Variants in BBS9 observed in about 807,000 individuals in gnomAD.
The protein encoded by BBS9 is Bardet-Biedl syndrome 9.
A neutral mutation model predicts 117.7 loss-of-function variants in BBS9; 89 were observed. That is an observed-to-expected ratio of 0.76 (90% CI 0.64 to 0.90). BBS9 has a LOEUF of 0.90. Ranked by LOEUF, BBS9 falls within the 40% of genes least tolerant of loss-of-function variation. The pLI is 0.00. For missense variants in BBS9, 982 were observed against 1,042.2 expected (o/e 0.94, Z 0.80); for synonymous variants, 379 against 370.9 (o/e 1.02, Z -0.25).
At chr7:33,635,469 C>A (rs528629574) in exon 22 of BBS9, among the ~76,000 whole-genome samples, 2 of 152,216 alleles carry the variant, frequency 1.3e-5, no homozygotes, top group Admixed American at 6.5e-5. Flanking sequence ...AACCAGCCCC[C>A]CAAGGCCCTG....
chr7:33,484,242 A>G (rs1842821637), intron 19 of BBS9, among the ~76,000 whole-genome samples: 1 of 152,226 alleles, frequency 6.6e-6, no homozygotes, highest in Non-Finnish European at 1.5e-5. Flanking sequence ...ATCTACAAAA[A>G]AGGTTACATC....
At chr7:33,410,818 A>G (rs932937310) in intron 19 of BBS9, among the ~76,000 whole-genome samples, 2 of 152,142 alleles carry the variant, frequency 1.3e-5, no homozygotes, top group African/African-American at 4.8e-5. Flanking sequence ...TTATCCCAAC[A>G]TAGACCTGCC....
At chr7:33,216,250 C>T (rs183651788) in intron 5 of BBS9, among the ~76,000 whole-genome samples, 5 of 152,294 alleles carry the variant, frequency 3.3e-5, no homozygotes, top group Admixed American at 1.3e-4. Flanking sequence ...GGCTAACTCC[C>T]TTCTAAACAC....
At chr7:33,250,716 G>A (rs978421619) in intron 5 of BBS9, among the ~76,000 whole-genome samples, 6 of 152,174 alleles carry the variant, frequency 3.9e-5, no homozygotes, top group African/African-American at 1.4e-4. Context: ...TGTATGCAGA[G>A]TGAAACACAT....
At chr7:33,291,547 A>T (rs1303305709) in intron 9 of BBS9, among the ~76,000 whole-genome samples, 1 of 152,168 alleles carries the variant, frequency 6.6e-6, no homozygotes, top group East Asian at 1.9e-4. Context: ...CAGGAAATCC[A>T]ATTGTGAGTA....
chr7:33,389,856 C>A (rs137912584), intron 19 of BBS9, among the ~76,000 whole-genome samples: 1,549 of 152,174 alleles, frequency 0.01, 10 homozygotes, highest in Middle Eastern at 0.054. Context: ...AATTCCCTTA[C>A]CCTCCCAGAA....
chr7:33,435,527 C>CTCTGTTGAAAGGAACTAAA (rs371316565), intron 19 of BBS9, among the ~76,000 whole-genome samples: 23 of 151,922 alleles, frequency 1.5e-4, no homozygotes, highest in South Asian at 6.2e-4. Context: ...AGACCAAGGA[C>CTCTGTTGAAAGGAACTAAA]TCTATTAAGT....
intron 21 of BBS9, among the ~76,000 whole-genome samples, chr7:33,553,524 C>G (rs1854796092): frequency 6.6e-6 from 1 of 152,174 alleles, no homozygotes; most frequent in Admixed American, 6.5e-5. Context: ...TGCCCTCTGA[C>G]TCTTCATGTT....
At chr7:33,588,586 A>G (rs546884140) in intron 21 of BBS9, among the ~76,000 whole-genome samples, 2 of 152,302 alleles carry the variant, frequency 1.3e-5, no homozygotes, top group South Asian at 2.1e-4. Flanking sequence ...ATAAGCAATA[A>G]GCATGATAAA....
rs187069825 is a variant in BBS9 at position 33,477,249 on chromosome 7, C to T, written c.2116-28214C>T. ...GTACCCAATAAATATTAGCCATCAT[C>T]GTCATCATTGTTGTTACCCTTATAT... On this transcript the variant is annotated intron_variant, in intron 19 of 22. Coordinates refer to ENST00000242067, the MANE Select transcript of BBS9 (RefSeq NM_198428.3). Among the ~76,000 whole-genome samples, 6 of 152,306 alleles carry T rather than the reference C, an allele frequency of 3.9e-5. No individual in the cohort carries two copies. In the South Asian group the frequency reaches 8.3e-4, roughly 21 times the overall value.
At chr7:33,413,864 A>G (rs1450956508) in intron 19 of BBS9, among the ~76,000 whole-genome samples, 3 of 152,108 alleles carry the variant, frequency 2.0e-5, no homozygotes, top group African/African-American at 7.2e-5. Context: ...TCTACTAAAA[A>G]TACAAAAAAA....
At chr7:33,505,994 C>T (rs747401534) in intron 20 of BBS9, among the ~76,000 whole-genome samples, 22 of 152,148 alleles carry the variant, frequency 1.4e-4, no homozygotes, top group Non-Finnish European at 2.2e-4. Context: ...GAAAACACTT[C>T]GGCCATTTTA....
intron 14 of BBS9, chr7:33,352,191 TG>T (rs1818795341): frequency 6.5e-6 from 1 of 153,354 alleles, no homozygotes; most frequent in South Asian, 2.1e-4. Context: ...ACTGTTTTAG[TG>T]ACTAAATAAA....
chr7:33,141,601 C>T (rs558126020), intron 1 of BBS9, among the ~76,000 whole-genome samples: 70 of 152,158 alleles, frequency 4.6e-4, no homozygotes, highest in Non-Finnish European at 7.6e-4. Flanking sequence ...TGTTAGCCAC[C>T]GTGCCCAGCC....
At chr7:33,281,366 CTTTTTTTTT>C (rs397890694) in intron 9 of BBS9, among the ~76,000 whole-genome samples, 1 of 43,854 alleles carries the variant, frequency 2.3e-5, no homozygotes, top group African/African-American at 9.5e-5. Flanking sequence ...TGGTCTATGC[CTTTTTTTTT>C]TTTTTTTTTT....
intron 5 of BBS9, among the ~76,000 whole-genome samples, chr7:33,194,711 A>G (rs1784667799): frequency 1.3e-5 from 2 of 152,142 alleles, no homozygotes; most frequent in Admixed American, 6.5e-5. Context: ...AAGTGTTTTA[A>G]TGTGGTCAGA....
intron 18 of BBS9, among the ~76,000 whole-genome samples, chr7:33,386,529 C>T (rs578128809): frequency 1.3e-5 from 2 of 151,736 alleles, no homozygotes; most frequent in South Asian, 2.1e-4. Context: ...CTCGCTCTGT[C>T]GCCCAGGCTG....
intron 21 of BBS9, among the ~76,000 whole-genome samples, chr7:33,558,851 A>T (rs1166581094): frequency 1.3e-5 from 2 of 152,224 alleles, no homozygotes; most frequent in Non-Finnish European, 2.9e-5. Context: ...TGAGAAAATG[A>T]ATAATTTAGA....
chr7:33,591,316 A>T (rs994183715), intron 21 of BBS9, among the ~76,000 whole-genome samples: 5 of 152,122 alleles, frequency 3.3e-5, no homozygotes, highest in Non-Finnish European at 7.4e-5. Flanking sequence ...CACAGGCTAT[A>T]GAATCATTTG....
Sources: allele counts gnomAD v4.1 joint callset (sites outside exome capture counted in the v4.1 genomes callset), GRCh38; gene constraint gnomAD v4.1.1; transcripts MANE v1.5; gene names NCBI Gene and HGNC (gene_info 2026-07-23, HGNC 2026-07-21).